TENM3: variants seen among roughly 807,000 people sequenced by gnomAD.
The protein encoded by TENM3 is teneurin transmembrane protein 3.
Under a neutral mutation model 255.1 loss-of-function variants are expected in TENM3, and 63 were observed. That is an observed-to-expected ratio of 0.25 (90% CI 0.20 to 0.30). The LOEUF (loss-of-function observed/expected upper bound fraction) is 0.30. Ranked by LOEUF, TENM3 falls within the 10% of genes least tolerant of loss-of-function variation. The pLI is 1.00. For missense variants in TENM3, 2,929 were observed against 3,461.1 expected, an observed-to-expected ratio of 0.85 and a Z score of 3.86; for synonymous variants, 1,306 against 1,322.3, an observed-to-expected ratio of 0.99 and a Z score of 0.27.
the TENM3 span, among the ~76,000 whole-genome samples, chr4:181,696,313 C>A: frequency 1.3e-5 from 2 of 152,040 alleles, no homozygotes; most frequent in African/African-American, 4.8e-5. Context: ...GCTGCCCTAC[C>A]GCCCCTCTCT....
the TENM3 span, among the ~76,000 whole-genome samples, chr4:181,993,843 G>GC: frequency 1.3e-5 from 2 of 152,044 alleles, no homozygotes; most frequent in Non-Finnish European, 2.9e-5. Flanking sequence ...TAAGAATGCT[G>GC]CCCGTTGGTT....
the TENM3 span, among the ~76,000 whole-genome samples, chr4:181,618,183 T>C: frequency 2.0e-5 from 3 of 152,192 alleles, no homozygotes; most frequent in Non-Finnish European, 4.4e-5. Flanking sequence ...ATGGCCCTTA[T>C]GAGTTCCCGC....
intron 1 of TENM3, among the ~76,000 whole-genome samples, chr4:182,291,707 C>T (rs1190475305): frequency 1.3e-5 from 2 of 152,124 alleles, no homozygotes; most frequent in Non-Finnish European, 2.9e-5. Flanking sequence ...AGTATGCATG[C>T]GTCCCTCCTC....
the TENM3 span, among the ~76,000 whole-genome samples, chr4:181,608,517 G>A: frequency 6.6e-6 from 1 of 152,182 alleles, no homozygotes; most frequent in Non-Finnish European, 1.5e-5. Flanking sequence ...TATGAGAAAG[G>A]AAACAGAAGT....
chr4:182,268,790 G>C (rs1482760050), intron 1 of TENM3, among the ~76,000 whole-genome samples: 7 of 152,088 alleles, frequency 4.6e-5, no homozygotes, highest in Admixed American at 1.3e-4. Context: ...GGTCTAAAAA[G>C]GGGAGGCATT....
the TENM3 span, among the ~76,000 whole-genome samples, chr4:181,806,396 A>G: frequency 9.2e-5 from 14 of 152,192 alleles, no homozygotes; most frequent in African/African-American, 3.4e-4. Flanking sequence ...CCCGGCCTAA[A>G]TACTACCTGC....
chr4:181,958,085 C>T, the TENM3 span, among the ~76,000 whole-genome samples: 1 of 152,128 alleles, frequency 6.6e-6, no homozygotes, highest in Non-Finnish European at 1.5e-5. Context: ...AAATCCTTTG[C>T]ACATTTCAAG....
intron 1 of TENM3, among the ~76,000 whole-genome samples, chr4:182,220,842 TAATC>T (rs1042251672): frequency 1.1e-4 from 16 of 152,190 alleles, no homozygotes; most frequent in African/African-American, 3.9e-4. Context: ...TATTAAATAA[TAATC>T]AACAGCTCTG....
intron 3 of TENM3, among the ~76,000 whole-genome samples, chr4:182,499,947 C>G (rs1336930359): frequency 6.6e-6 from 1 of 152,072 alleles, no homozygotes; most frequent in Non-Finnish European, 1.5e-5. Context: ...GGGAAATGTA[C>G]AAAAGCTTTT....
At chr4:182,051,343 CAA>C in the TENM3 span, among the ~76,000 whole-genome samples, 1 of 131,446 alleles carries the variant, frequency 7.6e-6, no homozygotes, top group African/African-American at 2.8e-5. Context: ...AACTACTTCT[CAA>C]AAAAAAAAAG....
chr4:182,440,557 T>A (rs1580547595), intron 3 of TENM3, among the ~76,000 whole-genome samples: 1 of 152,266 alleles, frequency 6.6e-6, no homozygotes, highest in East Asian at 1.9e-4. Context: ...TCAAAGGTGA[T>A]GGTTCTCAGC....
the TENM3 span, among the ~76,000 whole-genome samples, chr4:181,653,173 A>G: frequency 1.3e-5 from 2 of 152,148 alleles, no homozygotes; most frequent in African/African-American, 4.8e-5. Flanking sequence ...TGCATGGCAC[A>G]TTCAGTCTAG....
At chr4:181,825,253 T>C in the TENM3 span, among the ~76,000 whole-genome samples, 4 of 152,014 alleles carry the variant, frequency 2.6e-5, no homozygotes, top group Non-Finnish European at 4.4e-5. Flanking sequence ...ATACAAAAAT[T>C]GGCTGGTTGT....
the TENM3 span, among the ~76,000 whole-genome samples, chr4:181,628,244 G>A: frequency 6.6e-6 from 1 of 152,152 alleles, no homozygotes. Flanking sequence ...CCCTTTGTCA[G>A]ATGAGTAGAT....
At chr4:181,496,090 C>T in the TENM3 span, among the ~76,000 whole-genome samples, 4 of 151,748 alleles carry the variant, frequency 2.6e-5, no homozygotes, top group East Asian at 1.9e-4. Context: ...CAGTCATTAA[C>T]GAGTAGGTAT....
At chr4:182,570,755 G>C (rs1332681647) in intron 3 of TENM3, among the ~76,000 whole-genome samples, 1 of 152,068 alleles carries the variant, frequency 6.6e-6, no homozygotes, top group Non-Finnish European at 1.5e-5. Context: ...ACGTTAACCT[G>C]GGAGGCGGAG....
chr4:182,487,871 G>T (rs1734910908), intron 3 of TENM3, among the ~76,000 whole-genome samples: 1 of 152,138 alleles, frequency 6.6e-6, no homozygotes, highest in Admixed American at 6.5e-5. Flanking sequence ...ATGCAGTGAA[G>T]CAGTTTTTGT....
intron 3 of TENM3, among the ~76,000 whole-genome samples, chr4:182,504,214 A>G (rs994927620): frequency 6.6e-6 from 1 of 151,360 alleles, no homozygotes; most frequent in African/African-American, 2.4e-5. Flanking sequence ...AAAATCACTC[A>G]TCCCCTGATG....
chr4:181,743,295 G>A, the TENM3 span, among the ~76,000 whole-genome samples: 1 of 152,144 alleles, frequency 6.6e-6, no homozygotes, highest in Admixed American at 6.5e-5. Flanking sequence ...CTCACCAACA[G>A]TGTAAAAGTG....
Sources: allele counts gnomAD v4.1 joint callset (sites outside exome capture counted in the v4.1 genomes callset), GRCh38; gene constraint gnomAD v4.1.1; transcripts MANE v1.5; gene names NCBI Gene and HGNC (gene_info 2026-07-23, HGNC 2026-07-21).